The following PAX3 variants were observed in gnomAD, a reference collection of about 807,000 sequenced individuals.
The protein encoded by PAX3 is paired box protein Pax-3.
In PAX3, 14 loss-of-function variants were observed where a neutral mutation model predicts 51.6. The ratio of observed to expected loss-of-function variants is 0.27; its 90% CI spans 0.18 to 0.42. PAX3 has a LOEUF of 0.42. PAX3 is among the 10% of genes least tolerant of loss of function. The pLI is 1.00. For missense variants in PAX3, 540 were observed against 642.8 expected (o/e 0.84, Z 1.73); for synonymous variants, 280 against 253.4 (o/e 1.11, Z -1.00).
chr2:222,294,324 A>T (rs757650601), intron 3 of PAX3, 23 bp from the exon 4 acceptor site: 2 of 1,613,882 alleles, frequency 1.2e-6, no homozygotes, highest in Non-Finnish European at 1.7e-6. Flanking sequence ...GGAGGAAGGA[A>T]GCAAGGGAGC....
intron 4 of PAX3, among the ~76,000 whole-genome samples, chr2:222,273,881 A>T (rs1032479920): frequency 1.3e-5 from 2 of 152,174 alleles, no homozygotes; most frequent in Non-Finnish European, 2.9e-5. Context: ...GTAATTTTTT[A>T]AATTTGCTCC....
chr2:222,266,898 G>A (rs1694072849), intron 4 of PAX3, among the ~76,000 whole-genome samples: 1 of 152,218 alleles, frequency 6.6e-6, no homozygotes, highest in Non-Finnish European at 1.5e-5. Flanking sequence ...TGCAACCTAT[G>A]AAATCACATG....
intron 1 of PAX3, among the ~76,000 whole-genome samples, chr2:222,297,735 C>T (rs1574773478): frequency 6.6e-6 from 1 of 152,236 alleles, no homozygotes; most frequent in Non-Finnish European, 1.5e-5. Flanking sequence ...GCAGCAGTGC[C>T]TGTGTCACCT....
In PAX3 at chr2:222,232,323, C is replaced by T. The variant is rs542705004; in HGVS notation, c.587-40G>A. The stretch of plus-strand genomic sequence containing the variant: ...GAACAAAACATCATAAAATGTGAAT[C>T]AAAAAAATAAAACTGAGATTGAATC... On this transcript the variant is annotated intron_variant, in intron 4 of 8. Transcript: ENST00000392070. 6 of 1,571,094 alleles carry T rather than the reference C, an allele frequency of 3.8e-6. No homozygotes were observed. The South Asian group carries it at 5.6e-5, about 15-fold the overall frequency.
intron 4 of PAX3, among the ~76,000 whole-genome samples, chr2:222,274,452 C>T (rs556461348): frequency 1.3e-5 from 2 of 149,144 alleles, no homozygotes; most frequent in African/African-American, 4.8e-5. Context: ...TGTCTCAACG[C>T]TGTAGAGTTA....
In PAX3 at chr2:222,245,185, A is replaced by G. The variant is rs564353660; in HGVS notation, c.587-12902T>C. 7.2e-5 allele frequency among the ~76,000 whole-genome samples: 11 copies of G among 152,318 alleles called. No homozygotes were observed. In the East Asian group the frequency reaches 2.1e-3, roughly 29 times the overall value. ...AAAAGAAATAGAATAAAATTAAGGT[A>G]GCTATGAAAGTAAATAAATTCAGTG... On this transcript the variant is annotated intron_variant, in intron 4 of 8. Coordinates refer to ENST00000392070, the MANE Select transcript of PAX3 (RefSeq NM_181458.4).
Position 222,250,402 on chromosome 2 carries a change from T to C in PAX3, c.587-18119A>G, listed in dbSNP as rs866981489. Among the ~76,000 whole-genome samples the C allele has an allele frequency of 2.2e-4, 33 of 152,282 alleles. 1 individual carries two copies. The Middle Eastern group carries it at 0.017, about 78-fold the overall frequency. On this transcript the variant is annotated intron_variant, in intron 4 of 8. Coordinates refer to ENST00000392070, the MANE Select transcript of PAX3 (RefSeq NM_181458.4). ...TCTTTTTGTCCCTAAAAAATGATAC[T>C]GCTAGTACCCTCCCAAACTTGAAAA...
In PAX3 at chr2:222,279,197, G is replaced by T. The variant is rs60462158; in HGVS notation, c.586+14970C>A. ...TCGACCTCCTGATCTCAAGTGATCC[G>T]ACCGCCTGGGCCTCCCAAAGTGCTG... On this transcript the variant is annotated intron_variant, in intron 4 of 8. Coordinates refer to ENST00000392070, the MANE Select transcript of PAX3 (RefSeq NM_181458.4). Among the ~76,000 whole-genome samples the T allele has an allele frequency of 6.8e-3, 1,038 of 152,194 alleles. 13 individuals carry two copies. The highest frequency in any genetic ancestry group is 0.022 in the African/African-American group (930 of 41,532).
intron 2 of PAX3, among the ~76,000 whole-genome samples, chr2:222,296,225 C>T (rs1343917851): frequency 6.6e-6 from 1 of 152,164 alleles, no homozygotes; most frequent in Admixed American, 6.5e-5. Flanking sequence ...AAGAAGGTTC[C>T]AAAGATTCTT....
chr2:222,224,876 C>T (rs1255638231), intron 5 of PAX3, among the ~76,000 whole-genome samples: 2 of 152,104 alleles, frequency 1.3e-5, no homozygotes, highest in Non-Finnish European at 2.9e-5. Flanking sequence ...ATAGCAGTAG[C>T]AACAGAGGCA....
rs774660138 is a variant in PAX3 at position 222,295,647 on chromosome 2, G to T, written c.332C>A (p.Thr111Lys). 3 of 1,614,162 alleles carry T rather than the reference G, an allele frequency of 1.9e-6. No homozygotes were observed. The highest frequency in any genetic ancestry group is 2.5e-6 in the Non-Finnish European group (3 of 1,180,030). The change falls in exon 3 of 9, where the codon ACG (threonine) becomes AAG (lysine). Residue 111 changes from threonine to lysine, a missense_variant. By Grantham distance (78) the Thr-to-Lys change is moderately conservative (BLOSUM62 -1). This residue lies in a region of PAX3 where 427 missense variants were observed against 483.6 expected (regional missense o/e 0.88). Transcript: ENST00000392070. ...IGGSKPKQVT[T>K]PDVEKKIEEY... ...CTCAATTTTCTTCTCCACGTCAGGC[G>T]TTGTCACCTGCTTTAAGAGAACAGG...
intron 4 of PAX3, among the ~76,000 whole-genome samples, chr2:222,237,938 G>T (rs776951238): frequency 6.6e-6 from 1 of 152,178 alleles, no homozygotes; most frequent in African/African-American, 2.4e-5. Context: ...AGAAACTCCA[G>T]TGTGATCACT....
intron 4 of PAX3, among the ~76,000 whole-genome samples, chr2:222,276,982 T>G (rs1187008271): frequency 6.6e-6 from 1 of 152,156 alleles, no homozygotes; most frequent in Admixed American, 6.5e-5. Flanking sequence ...TATTCTAAAG[T>G]GCAAGACACA....
intron 7 of PAX3, among the ~76,000 whole-genome samples, chr2:222,204,842 C>T (rs1223239222): frequency 6.6e-6 from 1 of 152,130 alleles, no homozygotes; most frequent in Non-Finnish European, 1.5e-5. Flanking sequence ...TGGTATGTCA[C>T]TTTAAGGGAG....
At chr2:222,243,305 G>A (rs1245759820) in intron 4 of PAX3, among the ~76,000 whole-genome samples, 1 of 152,214 alleles carries the variant, frequency 6.6e-6, no homozygotes, top group African/African-American at 2.4e-5. Flanking sequence ...AAGGAGCCCT[G>A]AACCAATCCC....
intron 4 of PAX3, among the ~76,000 whole-genome samples, chr2:222,240,276 G>A (rs1482611672): frequency 6.6e-6 from 1 of 152,148 alleles, no homozygotes; most frequent in Non-Finnish European, 1.5e-5. Context: ...GATAAGGGCT[G>A]ACAAGCAGAG....
chr2:222,233,984 A>C (rs1692705916), intron 4 of PAX3, among the ~76,000 whole-genome samples: 1 of 152,122 alleles, frequency 6.6e-6, no homozygotes, highest in African/African-American at 2.4e-5. Context: ...TTTTATCTTA[A>C]ACTCCAACTT....
At chr2:222,281,077 G>C (rs1694630458) in intron 4 of PAX3, among the ~76,000 whole-genome samples, 1 of 152,172 alleles carries the variant, frequency 6.6e-6, no homozygotes, top group Non-Finnish European at 1.5e-5. Flanking sequence ...GATGTGCCCT[G>C]TCTGCATAAA....
At chr2:222,218,658 C>T (rs1692064056) in intron 7 of PAX3, among the ~76,000 whole-genome samples, 1 of 152,136 alleles carries the variant, frequency 6.6e-6, no homozygotes, top group Admixed American at 6.6e-5. Flanking sequence ...TTAAGGATGA[C>T]TCTATCAATA....
Sources: gnomAD v4.1 joint callset for allele counts (sites outside exome capture counted in the v4.1 genomes callset) on GRCh38, gnomAD v4.1.1 for gene constraint, gnomAD v4.1.1 regional missense constraint, MANE v1.5 for transcripts, NCBI Gene and HGNC (gene_info 2026-07-23, HGNC 2026-07-21) for gene names.